The following CSMD1 variants were observed in gnomAD, a reference collection of about 807,000 sequenced individuals.
CSMD1 encodes CUB and sushi domain-containing protein 1.
Under a neutral mutation model 417.5 loss-of-function variants are expected in CSMD1, and 213 were observed. The ratio of observed to expected loss-of-function variants is 0.51; its 90% CI spans 0.46 to 0.57. CSMD1 has a LOEUF of 0.57. CSMD1 is among the 20% of genes least tolerant of loss of function. CSMD1 has a pLI of 0.00. For missense variants in CSMD1, 6,923 were observed against 4,529.7 expected (o/e 1.53, Z -15.17); for synonymous variants, 2,862 against 1,736.8 (o/e 1.65, Z -16.11).
intron 2 of CSMD1, among the ~76,000 whole-genome samples, chr8:4,573,478 G>C (rs562924108): frequency 6.6e-6 from 1 of 152,268 alleles, no homozygotes; most frequent in African/African-American, 2.4e-5. Context: ...ATTGCTGCCT[G>C]TGTCTTCCTC....
intron 3 of CSMD1, among the ~76,000 whole-genome samples, chr8:4,335,745 G>T (rs529461321): frequency 1.3e-5 from 2 of 152,182 alleles, no homozygotes; most frequent in South Asian, 2.1e-4. Context: ...AGGGCTCACG[G>T]CAACAAGATA....
chr8:4,159,451 C>G (rs1584931214), intron 3 of CSMD1, among the ~76,000 whole-genome samples: 2 of 152,234 alleles, frequency 1.3e-5, no homozygotes, highest in South Asian at 2.1e-4. Flanking sequence ...TATGGCAGCA[C>G]AATTCACTAC....
intron 2 of CSMD1, among the ~76,000 whole-genome samples, chr8:4,561,488 C>T (rs1254974904): frequency 1.3e-5 from 2 of 152,094 alleles, no homozygotes; most frequent in Non-Finnish European, 2.9e-5. Flanking sequence ...TTCAGGACCA[C>T]CCTGGGCAAC....
chr8:4,884,307 A>G (rs1465271993), intron 1 of CSMD1, among the ~76,000 whole-genome samples: 1 of 151,926 alleles, frequency 6.6e-6, no homozygotes, highest in Non-Finnish European at 1.5e-5. Flanking sequence ...CGCCCAATTT[A>G]TCTCCCATTC....
intron 2 of CSMD1, among the ~76,000 whole-genome samples, chr8:4,469,561 C>A (rs1046959786): frequency 6.6e-6 from 1 of 152,164 alleles, no homozygotes; most frequent in Admixed American, 6.5e-5. Flanking sequence ...CAAACCTATT[C>A]TTTCAGTAGC....
At chr8:4,755,513 C>G (rs963528598) in intron 1 of CSMD1, among the ~76,000 whole-genome samples, 3 of 152,028 alleles carry the variant, frequency 2.0e-5, no homozygotes, top group Non-Finnish European at 4.4e-5. Flanking sequence ...ATTGATGTTT[C>G]CTGCTTTCAA....
At chr8:3,535,895 T>G (rs183685045) in intron 10 of CSMD1, among the ~76,000 whole-genome samples, 1 of 152,114 alleles carries the variant, frequency 6.6e-6, no homozygotes, top group Non-Finnish European at 1.5e-5. Context: ...GCCACTAAGC[T>G]TCCCCCTCCT....
At chr8:3,574,386 G>T (rs1171436465) in intron 10 of CSMD1, among the ~76,000 whole-genome samples, 1 of 152,140 alleles carries the variant, frequency 6.6e-6, no homozygotes, top group Non-Finnish European at 1.5e-5. Flanking sequence ...GATGACAGGT[G>T]CCTGCCACCA....
At chr8:4,623,863 C>T (rs1019919268) in intron 2 of CSMD1, among the ~76,000 whole-genome samples, 21 of 151,940 alleles carry the variant, frequency 1.4e-4, no homozygotes, top group African/African-American at 4.6e-4. Context: ...GATGGATGAC[C>T]GGGGTCACAA....
At chr8:4,831,040 T>G (rs1161126907) in intron 1 of CSMD1, among the ~76,000 whole-genome samples, 1 of 152,200 alleles carries the variant, frequency 6.6e-6, no homozygotes, top group African/African-American at 2.4e-5. Context: ...CAGGATGATC[T>G]ACCCTTTACT....
At chr8:3,898,761 T>C (rs903349511) in intron 5 of CSMD1, among the ~76,000 whole-genome samples, 4 of 152,194 alleles carry the variant, frequency 2.6e-5, no homozygotes, top group Non-Finnish European at 4.4e-5. Context: ...CCACTGTATA[T>C]ATATTTGAGG....
chr8:3,979,539 T>G (rs548924771), intron 5 of CSMD1, among the ~76,000 whole-genome samples: 1 of 152,308 alleles, frequency 6.6e-6, no homozygotes, highest in African/African-American at 2.4e-5. Flanking sequence ...AGTCATGATA[T>G]TAAGAGCTCA....
chr8:4,934,794 TATC>T, intron 1 of CSMD1, among the ~76,000 whole-genome samples: 1 of 152,186 alleles, frequency 6.6e-6, no homozygotes, highest in African/African-American at 2.4e-5. Flanking sequence ...AATCATCTAT[TATC>T]TATAAACCTA....
intron 2 of CSMD1, among the ~76,000 whole-genome samples, chr8:4,548,828 G>A (rs1442492111): frequency 2.6e-5 from 4 of 152,088 alleles, no homozygotes; most frequent in Non-Finnish European, 4.4e-5. Flanking sequence ...AGAGCATACT[G>A]CCTTGGTCTT....
chr8:3,323,746 C>G (rs1430642705), intron 23 of CSMD1, among the ~76,000 whole-genome samples: 3 of 136,940 alleles, frequency 2.2e-5, no homozygotes, highest in Non-Finnish European at 4.7e-5. Flanking sequence ...AGGGAATTTC[C>G]TTCACCCCAC....
At chr8:3,967,909 T>A (rs991155816) in intron 5 of CSMD1, among the ~76,000 whole-genome samples, 4 of 149,622 alleles carry the variant, frequency 2.7e-5, no homozygotes, top group African/African-American at 2.5e-5. Flanking sequence ...GGCTCACACG[T>A]GTAATCCCAG....
At chr8:3,361,859 C>A (rs1809206497) in intron 20 of CSMD1, among the ~76,000 whole-genome samples, 1 of 152,104 alleles carries the variant, frequency 6.6e-6, no homozygotes, top group South Asian at 2.1e-4. Flanking sequence ...GAAACAACAC[C>A]ATGAGGTTAG....
intron 23 of CSMD1, among the ~76,000 whole-genome samples, chr8:3,325,544 C>A (rs1806469964): frequency 6.6e-6 from 1 of 152,216 alleles, no homozygotes; most frequent in African/African-American, 2.4e-5. Flanking sequence ...ACAAGGTCGC[C>A]TGGGCATGCT....
At chr8:4,778,097 G>T (rs932671426) in intron 1 of CSMD1, among the ~76,000 whole-genome samples, 1 of 152,002 alleles carries the variant, frequency 6.6e-6, no homozygotes. Context: ...TTAAAATTAG[G>T]ATCAGTATAA....
Sources: gnomAD v4.1 joint callset for allele counts (sites outside exome capture counted in the v4.1 genomes callset) on GRCh38, gnomAD v4.1.1 for gene constraint, MANE v1.5 for transcripts, NCBI Gene and HGNC (gene_info 2026-07-23, HGNC 2026-07-21) for gene names.